FRMD4A: variants seen among roughly 807,000 people sequenced by gnomAD.
The protein encoded by FRMD4A is FERM domain-containing protein 4A.
A neutral mutation model predicts 129.1 loss-of-function variants in FRMD4A; 29 were observed. The ratio of observed to expected loss-of-function variants is 0.22; its 90% CI spans 0.17 to 0.31. The LOEUF is 0.31. Among genes scored for constraint, FRMD4A ranks in the 10% least tolerant of loss-of-function variants. FRMD4A has a pLI of 1.00. For missense variants in FRMD4A, 1,272 were observed against 1,375.8 expected (o/e 0.92, Z 1.19); for synonymous variants, 634 against 571.6 (o/e 1.11, Z -1.56).
chr10:13,684,342 C>T (rs114501939), intron 15 of FRMD4A: 15 of 985,044 alleles, frequency 1.5e-5, no homozygotes, highest in Middle Eastern at 5.2e-4. Flanking sequence ...AAGTCATTTT[C>T]GGGGGCATTT....
chr10:14,125,381 A>T (rs969830752), intron 2 of FRMD4A, among the ~76,000 whole-genome samples: 1 of 152,144 alleles, frequency 6.6e-6, no homozygotes, highest in Non-Finnish European at 1.5e-5. Context: ...TGAGTAGTAC[A>T]TTCACCCAAA....
At chr10:14,220,188 C>A (rs1424301336) in intron 2 of FRMD4A, among the ~76,000 whole-genome samples, 1 of 152,176 alleles carries the variant, frequency 6.6e-6, no homozygotes, top group East Asian at 1.9e-4. Context: ...TGATGAACTG[C>A]AACATATCAT....
chr10:13,800,521 A>G (rs907138914), intron 4 of FRMD4A, among the ~76,000 whole-genome samples: 25 of 152,188 alleles, frequency 1.6e-4, no homozygotes, highest in African/African-American at 5.6e-4. Context: ...CTCAAAGAAT[A>G]AGGAGGACCT....
At chr10:14,099,553 G>A (rs187962573) in intron 2 of FRMD4A, among the ~76,000 whole-genome samples, 14 of 152,164 alleles carry the variant, frequency 9.2e-5, no homozygotes, top group East Asian at 7.7e-4. Context: ...ACGAAAGTTG[G>A]CCCTGTTTAT....
chr10:13,765,183 C>T (rs113582420), intron 6 of FRMD4A, among the ~76,000 whole-genome samples: 3,587 of 141,532 alleles, frequency 0.025, 63 homozygotes, highest in Middle Eastern at 0.075. Context: ...GGTGCGATCT[C>T]GGCTCACTGC....
intron 2 of FRMD4A, among the ~76,000 whole-genome samples, chr10:14,117,350 A>T (rs1201383283): frequency 6.6e-6 from 1 of 152,172 alleles, no homozygotes; most frequent in African/African-American, 2.4e-5. Context: ...AGCAAGGAGG[A>T]TGGATCTTTT....
At chr10:13,660,656 C>A in intron 19 of FRMD4A, 103 bp from the exon 20 acceptor site, 1 of 707,464 alleles carries the variant, frequency 1.4e-6, no homozygotes, top group Non-Finnish European at 2.5e-6. Flanking sequence ...GCCACACAGC[C>A]AAACCCACAC....
chr10:14,326,119 C>G (rs1009723401), intron 2 of FRMD4A: 1 of 151,988 alleles, frequency 6.6e-6, no homozygotes, highest in African/African-American at 2.4e-5. Context: ...GCTATTTCAT[C>G]GATATAAAAA....
intron 2 of FRMD4A, among the ~76,000 whole-genome samples, chr10:14,250,897 T>C (rs991016530): frequency 2.0e-5 from 3 of 152,124 alleles, no homozygotes; most frequent in Non-Finnish European, 4.4e-5. Flanking sequence ...ATGAAAAACA[T>C]AATACGAGGC....
intron 2 of FRMD4A, among the ~76,000 whole-genome samples, chr10:14,161,048 G>A (rs955875827): frequency 6.6e-6 from 1 of 151,958 alleles, no homozygotes; most frequent in Non-Finnish European, 1.5e-5. Context: ...TCTGCCTCCC[G>A]GGTTCAAGTG....
intron 12 of FRMD4A, chr10:13,707,464 C>T: frequency 7.8e-6 from 8 of 1,026,746 alleles, no homozygotes; most frequent in Non-Finnish European, 9.4e-6. Flanking sequence ...GAGGTGGAGA[C>T]CGGGGAGAGG....
At chr10:13,701,266 C>G (rs948527756) in intron 14 of FRMD4A, 74 bp downstream of exon 14, 3 of 1,417,136 alleles carry the variant, frequency 2.1e-6, no homozygotes, top group Non-Finnish European at 2.9e-6. Flanking sequence ...GCCTCCCCCA[C>G]CCATCCGATC....
chr10:14,111,763 C>T (rs1837916222), intron 2 of FRMD4A, among the ~76,000 whole-genome samples: 1 of 151,618 alleles, frequency 6.6e-6, no homozygotes, highest in Non-Finnish European at 1.5e-5. Context: ...TTTTGAGTAG[C>T]ATAAGAGGTG....
intron 2 of FRMD4A, among the ~76,000 whole-genome samples, chr10:14,320,999 T>C (rs1843024952): frequency 6.6e-6 from 1 of 152,214 alleles, no homozygotes; most frequent in Admixed American, 6.5e-5. Flanking sequence ...TGTCTCCAAA[T>C]AACCATTTTT....
chr10:14,044,702 G>A (rs1833914958), intron 2 of FRMD4A, among the ~76,000 whole-genome samples: 1 of 152,202 alleles, frequency 6.6e-6, no homozygotes, highest in Non-Finnish European at 1.5e-5. Context: ...CTAGACTTGG[G>A]CACTGTGGAA....
chr10:14,022,958 C>G (rs1463455125), intron 2 of FRMD4A, among the ~76,000 whole-genome samples: 1 of 152,166 alleles, frequency 6.6e-6, no homozygotes, highest in African/African-American at 2.4e-5. Context: ...TACGACCAAA[C>G]TCACACCAAC....
Position 13,884,621 on chromosome 10 carries a change from A to G in FRMD4A, c.46-25709T>C, listed in dbSNP as rs11258704. 1.0e-3 allele frequency among the ~76,000 whole-genome samples: 156 copies of G among 152,134 alleles called. 1 individual carries two copies. In the East Asian group the frequency reaches 0.019, roughly 19 times the overall value. ...TTTCTTCCTTCCCTTCCCCCCACCG[A>G]CCTTCTCTACCTTAATGTTCCAGGA... On this transcript the variant is annotated intron_variant, in intron 2 of 24. Transcript: ENST00000357447.
chr10:14,219,429 A>C (rs1311776377), intron 2 of FRMD4A, among the ~76,000 whole-genome samples: 1 of 152,200 alleles, frequency 6.6e-6, no homozygotes, highest in African/African-American at 2.4e-5. Context: ...ACTTTGTGCC[A>C]GCGCATTCTG....
chr10:14,034,920 A>G (rs946030263), intron 2 of FRMD4A, among the ~76,000 whole-genome samples: 4 of 152,164 alleles, frequency 2.6e-5, no homozygotes, highest in Admixed American at 6.5e-5. Flanking sequence ...ATAGTGGAAC[A>G]CTGGCATCAC....
Sources: gnomAD v4.1 joint callset for allele counts (sites outside exome capture counted in the v4.1 genomes callset) on GRCh38, gnomAD v4.1.1 for gene constraint, MANE v1.5 for transcripts, NCBI Gene and HGNC (gene_info 2026-07-23, HGNC 2026-07-21) for gene names.